Variants in ABI3 observed in about 807,000 individuals in gnomAD.
ABI3 encodes ABI gene family member 3.
Under a neutral mutation model 37.0 loss-of-function variants are expected in ABI3, and 24 were observed. The ratio of observed to expected loss-of-function variants is 0.65; its 90% confidence interval spans 0.47 to 0.91. ABI3 has a LOEUF of 0.91. Ranked by LOEUF, ABI3 falls within the 40% of genes least tolerant of loss-of-function variation. ABI3 has a pLI of 0.00. For missense variants in ABI3, 481 were observed against 485.1 expected, an observed-to-expected ratio of 0.99 and a Z score of 0.08; for synonymous variants, 220 against 211.8, an observed-to-expected ratio of 1.04 and a Z score of -0.34.
chr17:49,210,834 A>T lies in ABI3; in HGVS notation c.110A>T (p.Tyr37Phe). Residue 37 changes from tyrosine to phenylalanine, a missense_variant, in exon 1 of 8, where the codon TAT (tyrosine) becomes TTT (phenylalanine). Physicochemically the swap from Tyr to Phe is conservative, Grantham distance 22 (BLOSUM62 3). Transcript: ENST00000225941. This position sits in a 1 kb window ranked among gnomAD's most constrained non-coding sequence, Gnocchi z 4.2. ...LRVADYCEDN[Y>F]VQATDKRKAL... is the part of the protein sequence containing the mutation. ...GTCGCTGACTACTGCGAGGACAACT[A>T]TGTGCAGGTAGGTAGAGCGGGCGGA... The T allele has an allele frequency of 6.4e-7, 1 of 1,552,324 alleles. No homozygotes were observed. Among genetic ancestry groups the T allele is most frequent in the South Asian group, 1.2e-5 (1 of 84,424 alleles).
At chr17:49,217,510 C>T (rs2043231526) in intron 2 of ABI3, among the ~76,000 whole-genome samples, 1 of 151,404 alleles carries the variant, frequency 6.6e-6, no homozygotes, top group African/African-American at 2.4e-5. Flanking sequence ...AATAATAACC[C>T]ATACTCTCTT....
chr17:49,211,597 C>G (rs1049138622), intron 1 of ABI3, among the ~76,000 whole-genome samples: 1 of 152,184 alleles, frequency 6.6e-6, no homozygotes, highest in Non-Finnish European at 1.5e-5. Flanking sequence ...GATGTGGAAA[C>G]AGTAGCTCAG....
chr17:49,220,310 G>T lies in ABI3; in HGVS notation c.786G>T (p.Leu262Phe), dbSNP rs763471257. The T allele has an allele frequency of 1.2e-5, 19 of 1,592,274 alleles. No homozygotes were observed. The highest frequency in any genetic ancestry group is 9.1e-5 in the East Asian group (4 of 44,008). ...AGCGGCCTCCCACGCTGGAGGAGTT[G>T]TCCCCACCCCCACCGGGTAAGGAGG... ...VFQRPPTLEELSPPPPDEELP... is the reference protein window; with the variant it reads ...VFQRPPTLEEFSPPPPDEELP... The change falls in exon 6 of 8, where the codon TTG becomes TTT. Residue 262 changes from leucine (L) to phenylalanine (F), a missense_variant. Transcript: ENST00000225941.
intron 7 of ABI3, 99 bp downstream of exon 7, chr17:49,222,324 G>T (rs1372544402): frequency 6.7e-7 from 1 of 1,482,532 alleles, no homozygotes. Flanking sequence ...CTATCCCCCG[G>T]GCCCCCCACA....
In ABI3 at chr17:49,210,952, G is replaced by A. The variant is rs1245118256; in HGVS notation, c.117+111G>A. ...CCTGACAGTGCTTGTCCTGGGCCTTGGCTGAGAAATCCTCCCATTCCAGGC... is the reference window on the plus strand; with the variant it reads ...CCTGACAGTGCTTGTCCTGGGCCTTAGCTGAGAAATCCTCCCATTCCAGGC... On this transcript the variant is annotated intron_variant, in intron 1 of 7. Coordinates refer to ENST00000225941, the MANE Select transcript of ABI3 (RefSeq NM_016428.3). The surrounding 1 kb of genome is among the most constrained non-coding windows in gnomAD (Gnocchi z 4.2). 1.2e-6 allele frequency: 1 copy of A among 861,602 alleles called. No homozygotes were observed. The highest frequency in any genetic ancestry group is 1.8e-5 in the South Asian group (1 of 55,800). The allele number at this position is 861,602 out of a possible 1,614,324, so 53.4% of individuals were successfully genotyped here. A position where few individuals can be genotyped will look rare whatever the true frequency, so the allele number is the denominator to read the frequency against.
intron 6 of ABI3, among the ~76,000 whole-genome samples, chr17:49,220,598 A>C (rs1230679770): frequency 6.6e-6 from 1 of 152,040 alleles, no homozygotes; most frequent in Non-Finnish European, 1.5e-5. Flanking sequence ...TAATCCCAGC[A>C]GTTTGGGTGG....
At position 49,217,611 on chromosome 17, in the gene ABI3, G is replaced by A. The variant is rs994088030; in HGVS notation, c.286-128G>A. The A allele has an allele frequency of 1.6e-5, 12 of 769,430 alleles. No homozygotes were observed. In the African/African-American group the frequency reaches 2.0e-4, roughly 13 times the overall value. 47.7% of individuals were successfully genotyped at this position (769,430 alleles called of 1,614,324 possible). A position where few individuals can be genotyped will look rare whatever the true frequency, so the allele number is the denominator to read the frequency against. On this transcript the variant is annotated intron_variant, in intron 2 of 7. Coordinates refer to ENST00000225941, the MANE Select transcript of ABI3 (RefSeq NM_016428.3). Reference sequence around the variant, plus strand: ...CCTGGTGGGGGGCGGGGGGCGGGGGGCAGGGCCCTCTTTTTCTAGACCTGG... The same window carrying A: ...CCTGGTGGGGGGCGGGGGGCGGGGGACAGGGCCCTCTTTTTCTAGACCTGG...
Position 49,219,825 on chromosome 17 carries a change from T to A in ABI3, c.549-33T>A, listed in dbSNP as rs985628938. Reference sequence around the variant, plus strand: ...CCTGCTGGCCAGAAGCCTTCCTCCTTCCTCCTAATACCCACTCCCTGCCCC... The same window carrying A: ...CCTGCTGGCCAGAAGCCTTCCTCCTACCTCCTAATACCCACTCCCTGCCCC... On this transcript the variant is annotated intron_variant, in intron 4 of 7. Transcript: ENST00000225941. This position sits in a 1 kb window ranked among gnomAD's most constrained non-coding sequence, Gnocchi z 4.3. The A allele has an allele frequency of 1.2e-5, 19 of 1,532,860 alleles. No homozygotes were observed. In the African/African-American group the frequency reaches 2.5e-4, roughly 20 times the overall value. 95.0% of individuals were successfully genotyped at this position (1,532,860 alleles called of 1,614,324 possible). A position where few individuals can be genotyped will look rare whatever the true frequency, so the allele number is the denominator to read the frequency against.
chr17:49,219,731 G>A lies in ABI3; in HGVS notation c.548+106G>A, dbSNP rs2143535192. 7.0e-7 allele frequency: 1 copy of A among 1,419,988 alleles called. No individual in the cohort carries two copies. The highest frequency in any genetic ancestry group is 2.5e-5 in the East Asian group (1 of 40,272). The allele number at this position is 1,419,988 out of a possible 1,614,324, so 88.0% of individuals were successfully genotyped here. A position where few individuals can be genotyped will look rare whatever the true frequency, so the allele number is the denominator to read the frequency against. ...ACCCCTGGCGCCCCCGGGTGCTCAG[G>A]CCGTCATGCTGGATGCCTGGCGCCA... On this transcript the variant is annotated intron_variant, in intron 4 of 7. Coordinates refer to ENST00000225941, the MANE Select transcript of ABI3 (RefSeq NM_016428.3). The surrounding 1 kb of genome is among the most constrained non-coding windows in gnomAD (Gnocchi z 4.3).
Position 49,219,814 on chromosome 17 carries a change from GCCTTCCT to G in ABI3, c.549-33_549-27del. ...CGCACCCGACCCCTGCTGGCCAGAA[GCCTTCCT>G]CCTTCCTCCTAATACCCACTCCCTG... On this transcript the variant is annotated intron_variant, in intron 4 of 7. Coordinates refer to ENST00000225941, the MANE Select transcript of ABI3 (RefSeq NM_016428.3). This position sits in a 1 kb window ranked among gnomAD's most constrained non-coding sequence, Gnocchi z 4.3. 1 of 1,526,650 alleles carries G rather than the reference GCCTTCCT, an allele frequency of 6.6e-7. No individual in the cohort carries two copies. The highest frequency in any genetic ancestry group is 8.8e-7 in the Non-Finnish European group (1 of 1,136,336). 94.6% of individuals were successfully genotyped at this position (1,526,650 alleles called of 1,614,324 possible). A position where few individuals can be genotyped will look rare whatever the true frequency, so the allele number is the denominator to read the frequency against.
At chr17:49,221,944 C>T (rs2043294068) in intron 6 of ABI3, 147 bp from the exon 7 acceptor site, 3 of 1,114,808 alleles carry the variant, frequency 2.7e-6, no homozygotes, top group Non-Finnish European at 3.7e-6. Context: ...GTCTCGAACT[C>T]CTGGCCTCAG....
intron 1 of ABI3, among the ~76,000 whole-genome samples, chr17:49,214,018 A>G (rs548025622): frequency 6.2e-4 from 94 of 152,240 alleles, no homozygotes; most frequent in Non-Finnish European, 1.1e-3. Flanking sequence ...GATGTAAATG[A>G]CATGCAAATG....
rs2043267746 is a variant in ABI3, at chr17:49,220,194, C to G, written c.670C>G (p.Pro224Ala). 4 of 1,612,160 alleles carry G rather than the reference C, an allele frequency of 2.5e-6. No individual in the cohort carries two copies. The highest frequency in any genetic ancestry group is 1.3e-5 in the African/African-American group (1 of 75,012). Residue 224 changes from proline (P) to alanine (A), a missense_variant, in exon 6 of 8, where the codon CCC (proline) becomes GCC (alanine). Pro to Ala is a conservative substitution (Grantham distance 27). Coordinates refer to ENST00000225941, the MANE Select transcript of ABI3 (RefSeq NM_016428.3). ...AGSAEGVGGA[P>A]TPKGQAAPPA... ...CAGCGCCGAAGGTGTCGGTGGGGCC[C>G]CCACGCCCAAGGGGCAGGCAGCACC...
chr17:49,211,068 A>G (rs1354046480), intron 1 of ABI3, among the ~76,000 whole-genome samples: 2 of 152,148 alleles, frequency 1.3e-5, no homozygotes, highest in South Asian at 2.1e-4. Context: ...AGCCTCAGAG[A>G]TGCCTGGGAC....
Position 49,220,318 on chromosome 17 carries a change from C to G in ABI3, c.794C>G (p.Pro265Arg). 1 of 1,586,438 alleles carries G rather than the reference C, an allele frequency of 6.3e-7. No homozygotes were observed. Among genetic ancestry groups the G allele is most frequent in the South Asian group, 1.1e-5 (1 of 87,442 alleles). Reference protein sequence around the residue: ...RPPTLEELSPPPPDEELPLPL... With the variant: ...RPPTLEELSPRPPDEELPLPL... ...CCCACGCTGGAGGAGTTGTCCCCAC[C>G]CCCACCGGGTAAGGAGGTCCACCCT... is the stretch of plus-strand genomic sequence containing the variant. The change falls in exon 6 of 8, where the codon CCC becomes CGC. Residue 265 changes from proline (P) to arginine (R), a missense_variant. Pro to Arg is a moderately radical substitution (Grantham distance 103, BLOSUM62 -2). Transcript: ENST00000225941.
At chr17:49,212,465 C>G (rs1043390297) in intron 1 of ABI3, among the ~76,000 whole-genome samples, 1 of 152,190 alleles carries the variant, frequency 6.6e-6, no homozygotes, top group African/African-American at 2.4e-5. Context: ...GACCTTGTAG[C>G]ATAGTAAGAA....
intron 3 of ABI3, among the ~76,000 whole-genome samples, chr17:49,218,418 C>T (rs985320648): frequency 6.6e-6 from 1 of 152,170 alleles, no homozygotes; most frequent in African/African-American, 2.4e-5. Flanking sequence ...TGTCCTTCTG[C>T]GAGGTCAGAA....
chr17:49,212,312 A>C (rs1428814119), intron 1 of ABI3, among the ~76,000 whole-genome samples: 1 of 152,034 alleles, frequency 6.6e-6, no homozygotes, highest in African/African-American at 2.4e-5. Flanking sequence ...CCTACACGCT[A>C]TGTGACTTTA....
rs545252944 is a variant in ABI3, at chr17:49,216,637, T to C, written c.224T>C (p.Met75Thr). Residue 75 changes from methionine to threonine, a missense_variant, in exon 2 of 8, where the codon ATG becomes ACG. Physicochemically the swap from Met to Thr is moderately conservative, Grantham distance 81 (BLOSUM62 -1). Coordinates refer to ENST00000225941, the MANE Select transcript of ABI3 (RefSeq NM_016428.3). ...VGNLAGHTLRMLDLQGAALRQ... is the reference protein window; with the variant it reads ...VGNLAGHTLRTLDLQGAALRQ... ...AACCTGGCCGGGCACACTCTGCGCA[T>C]GTTGGACCTGCAGGGGGCCGCCCTG... 7.3e-5 allele frequency: 117 copies of C among 1,611,450 alleles called. No homozygotes were observed. The East Asian group carries it at 2.6e-3, about 35-fold the overall frequency.
Sources: allele counts gnomAD v4.1 joint callset (sites outside exome capture counted in the v4.1 genomes callset), GRCh38; gene constraint gnomAD v4.1.1; non-coding constraint Gnocchi (gnomAD v3.1); transcripts MANE v1.5; gene names NCBI Gene and HGNC (gene_info 2026-07-23, HGNC 2026-07-21).